Variants in METTL15 observed in about 807,000 individuals in gnomAD.
METTL15 encodes methyltransferase 15, mitochondrial 12S rRNA N4-cytidine.
METTL15 carries 34 observed loss-of-function variants against 38.3 expected under a neutral mutation model. The ratio of observed to expected loss-of-function variants is 0.89; its 90% confidence interval spans 0.68 to 1.18. METTL15 has a LOEUF of 1.18. METTL15 is among the 50% of genes most tolerant of loss of function. The pLI is 0.00. For synonymous variants in METTL15, 162 were observed against 170.9 expected, an observed-to-expected ratio of 0.95 and a Z score of 0.41; for missense variants, 438 against 498.4, an observed-to-expected ratio of 0.88 and a Z score of 1.15.
chr11:28,110,764 G>A (rs1445016016), intron 2 of METTL15, among the ~76,000 whole-genome samples: 1 of 152,134 alleles, frequency 6.6e-6, no homozygotes, highest in Admixed American at 6.5e-5. Flanking sequence ...GCCCTTGAGG[G>A]AGTATCCTTC....
At chr11:28,381,737 A>G (rs1268759618) in intron 5 of METTL15, among the ~76,000 whole-genome samples, 1 of 152,032 alleles carries the variant, frequency 6.6e-6, no homozygotes, top group Non-Finnish European at 1.5e-5. Flanking sequence ...CTTTGTTAAA[A>G]TTTTCTAATA....
chr11:28,122,371 G>GTA (rs371299481), intron 3 of METTL15, among the ~76,000 whole-genome samples: 1,063 of 77,618 alleles, frequency 0.014, 11 homozygotes, highest in Middle Eastern at 0.038. Flanking sequence ...GTGTGTGTGT[G>GTA]TATATATATA....
intron 4 of METTL15, among the ~76,000 whole-genome samples, chr11:28,241,554 A>T (rs980082564): frequency 6.6e-6 from 1 of 151,892 alleles, no homozygotes; most frequent in Non-Finnish European, 1.5e-5. Flanking sequence ...AAAAAAAAAA[A>T]AGAAAACCAG....
At chr11:28,463,630 G>T (rs1200830881) in intron 6 of METTL15, among the ~76,000 whole-genome samples, 2 of 152,068 alleles carry the variant, frequency 1.3e-5, no homozygotes, top group Non-Finnish European at 1.5e-5. Context: ...TGCAGATAAC[G>T]ACTCCATGAG....
chr11:28,202,937 T>A (rs1338753830), intron 3 of METTL15, among the ~76,000 whole-genome samples: 1 of 151,804 alleles, frequency 6.6e-6, no homozygotes, highest in Non-Finnish European at 1.5e-5. Context: ...TTCGACAGTG[T>A]TGTTACAGTG....
chr11:28,164,935 A>G (rs1437235704), intron 3 of METTL15, among the ~76,000 whole-genome samples: 1 of 152,146 alleles, frequency 6.6e-6, no homozygotes, highest in Non-Finnish European at 1.5e-5. Flanking sequence ...TCTACATATA[A>G]GTGGAATAAT....
In METTL15 at chr11:28,113,008, C is replaced by A. The variant is rs1851780084; in HGVS notation, c.-17-310C>A. ...AATTAAAATTCAAAAAAGTATGTTT[C>A]ATAAAAATGTTGACCTAATAATCAA... On this transcript the variant is annotated intron_variant, in intron 2 of 6. Coordinates refer to ENST00000407364, the MANE Select transcript of METTL15 (RefSeq NM_001113528.2). Among the ~76,000 whole-genome samples the A allele has an allele frequency of 1.3e-5, 2 of 152,060 alleles. 1 individual carries two copies. Among genetic ancestry groups the A allele is most frequent in the African/African-American group, 4.8e-5 (2 of 41,420 alleles).
exon 4 of METTL15, chr11:28,352,101 G>A (rs1850046668): frequency 6.6e-6 from 1 of 152,184 alleles, no homozygotes; most frequent in Non-Finnish European, 1.5e-5. Context: ...TTGCACTGGA[G>A]AATCTAAACT....
In METTL15 at chr11:28,356,952, G is replaced by A. The variant is rs532592705; in HGVS notation, c.*258+4794G>A. Among the ~76,000 whole-genome samples the A allele has an allele frequency of 4.5e-4, 69 of 152,282 alleles. 1 individual carries two copies. Among genetic ancestry groups the A allele is most frequent in the Middle Eastern group, 3.4e-3 (1 of 294 alleles). On this transcript the variant is annotated intron_variant and NMD_transcript_variant, in intron 4 of 7. Coordinates refer to the METTL15 transcript ENST00000532947. ...CACAGGCCCAGGTGTGCTGGCCTCA[G>A]GACTCATTTCTCGAGGAGACTGGGC... is the stretch of plus-strand genomic sequence containing the variant.
intron 5 of METTL15, among the ~76,000 whole-genome samples, chr11:28,376,645 T>C (rs1021567525): frequency 2.0e-5 from 3 of 152,272 alleles, no homozygotes; most frequent in Admixed American, 2.0e-4. Context: ...AATTGGAGCA[T>C]TTAGTCAATT....
intron 4 of METTL15, among the ~76,000 whole-genome samples, chr11:28,284,988 G>C (rs1856196421): frequency 6.6e-6 from 1 of 152,082 alleles, no homozygotes; most frequent in East Asian, 1.9e-4. Flanking sequence ...CTTGTAGGCG[G>C]TTTCCCCCAT....
chr11:28,426,139 C>T (rs1850861864), intron 6 of METTL15, among the ~76,000 whole-genome samples: 1 of 152,052 alleles, frequency 6.6e-6, no homozygotes, highest in Admixed American at 6.5e-5. Context: ...TGTTGTTCCC[C>T]CTCATATTTC....
At chr11:28,514,376 A>G (rs1274088702) in intron 6 of METTL15, among the ~76,000 whole-genome samples, 2 of 152,214 alleles carry the variant, frequency 1.3e-5, no homozygotes, top group Non-Finnish European at 2.9e-5. Flanking sequence ...TGCAGCCACA[A>G]GGGAAGTCAC....
chr11:28,183,528 GTCATTGGTTCTGTTTATGTGATGGA>G (rs1279662011), intron 3 of METTL15, among the ~76,000 whole-genome samples: 1 of 152,038 alleles, frequency 6.6e-6, no homozygotes, highest in African/African-American at 2.4e-5. Context: ...TTTGGTTTTT[GTCATTGGTTCTGTTTATGTGATGGA>G]TTATGTTTAT....
At position 28,415,897 on chromosome 11, in the gene METTL15, G is replaced by T. The variant is rs533150320; in HGVS notation, c.*359-8402G>T. Among the ~76,000 whole-genome samples, 3 of 152,180 alleles carry T rather than the reference G, an allele frequency of 2.0e-5. No homozygotes were observed. The South Asian group carries it at 6.2e-4, about 32-fold the overall frequency. Reference sequence around the variant, plus strand: ...AGGTAGCTTACAGAATTTACAGGAGGGAGAAAGAACTAAGCAGTCTTACTT... The same window carrying T: ...AGGTAGCTTACAGAATTTACAGGAGTGAGAAAGAACTAAGCAGTCTTACTT... On this transcript the variant is annotated intron_variant and NMD_transcript_variant, in intron 5 of 7. Transcript: ENST00000532947.
chr11:28,388,829 C>T (rs1055582572), intron 5 of METTL15, among the ~76,000 whole-genome samples: 2 of 152,014 alleles, frequency 1.3e-5, no homozygotes, highest in African/African-American at 4.8e-5. Context: ...TATCCCTCCC[C>T]CCTACACCCA....
intron 4 of METTL15, among the ~76,000 whole-genome samples, chr11:28,356,862 C>T (rs2133365259): frequency 6.6e-6 from 1 of 152,288 alleles, no homozygotes; most frequent in Non-Finnish European, 1.5e-5. Flanking sequence ...ACCCATATGG[C>T]ATCCTGGCTG....
chr11:28,322,850 A>T (rs1241969815), intron 6 of METTL15, among the ~76,000 whole-genome samples: 1 of 152,194 alleles, frequency 6.6e-6, no homozygotes, highest in Non-Finnish European at 1.5e-5. Flanking sequence ...GCTCCACAAG[A>T]GACCACTTCT....
chr11:28,223,388 A>G (rs1012699827), intron 4 of METTL15, among the ~76,000 whole-genome samples: 6 of 152,110 alleles, frequency 3.9e-5, no homozygotes, highest in Non-Finnish European at 2.9e-5. Context: ...AGAAAAACAC[A>G]AATTTGTGTT....
Sources: allele counts gnomAD v4.1 joint callset (sites outside exome capture counted in the v4.1 genomes callset), GRCh38; gene constraint gnomAD v4.1.1; transcripts MANE v1.5; gene names NCBI Gene and HGNC (gene_info 2026-07-23, HGNC 2026-07-21).